SPAG16: variants seen among roughly 807,000 people sequenced by gnomAD.
The protein encoded by SPAG16 is sperm-associated antigen 16 protein.
In SPAG16, 86 loss-of-function variants were observed where a neutral mutation model predicts 80.4. That is an observed-to-expected ratio of 1.07 (90% CI 0.90 to 1.28). The LOEUF (loss-of-function observed/expected upper bound fraction) is 1.28. Among genes scored for constraint, SPAG16 ranks in the 50% most tolerant of loss-of-function variants. The pLI, the probability that SPAG16 is intolerant of heterozygous loss-of-function variation, is 0.00. For synonymous variants in SPAG16, 294 were observed against 265.9 expected (o/e 1.11, Z -1.03); for missense variants, 870 against 765.3 (o/e 1.14, Z -1.61).
chr2:213,999,163 G>A (rs1397800976), intron 12 of SPAG16, among the ~76,000 whole-genome samples: 2 of 151,894 alleles, frequency 1.3e-5, no homozygotes, highest in South Asian at 2.1e-4. Context: ...CATGTCAGAG[G>A]TCTTCACGGC....
intron 15 of SPAG16, among the ~76,000 whole-genome samples, chr2:214,252,484 C>G (rs1046333131): frequency 6.6e-6 from 1 of 151,546 alleles, no homozygotes; most frequent in African/African-American, 2.4e-5. Context: ...TGTGATGTTC[C>G]CCTCCCTGTG....
chr2:214,280,745 T>A, intron 15 of SPAG16: 1 of 420,796 alleles, frequency 2.4e-6, no homozygotes, highest in South Asian at 2.1e-5. Flanking sequence ...CTCTTTTAAC[T>A]TATTTCCTGG....
chr2:214,265,943 T>C (rs952493819), intron 15 of SPAG16, among the ~76,000 whole-genome samples: 1 of 151,962 alleles, frequency 6.6e-6, no homozygotes, highest in Non-Finnish European at 1.5e-5. Flanking sequence ...TCTAAAATTA[T>C]ATTGTTCTTT....
intron 13 of SPAG16, among the ~76,000 whole-genome samples, chr2:214,048,944 C>T (rs2049489077): frequency 6.7e-6 from 1 of 149,954 alleles, no homozygotes; most frequent in South Asian, 2.2e-4. Context: ...TCCTTTCTTC[C>T]TTCTCTCCTT....
intron 14 of SPAG16, among the ~76,000 whole-genome samples, chr2:214,137,132 A>C (rs1009637666): frequency 1.3e-5 from 2 of 152,186 alleles, no homozygotes; most frequent in African/African-American, 4.8e-5. Context: ...ATTTCATGAA[A>C]TCTAACTTTT....
chr2:214,032,850 C>CT lies in SPAG16; in HGVS notation c.1527+18777dup, dbSNP rs201430161. Among the ~76,000 whole-genome samples the CT allele has an allele frequency of 7.1e-3, 1,083 of 152,222 alleles. 15 individuals carry two copies. Among genetic ancestry groups the CT allele is most frequent in the African/African-American group, 0.024 (1,012 of 41,546 alleles). On this transcript the variant is annotated intron_variant, in intron 13 of 15. Transcript: ENST00000331683. The stretch of plus-strand genomic sequence containing the variant: ...ATGGATGAGCAAATGTTCAGTGGTC[C>CT]TTTTCTTTCCCTCTTATGGCATAAT...
intron 10 of SPAG16, among the ~76,000 whole-genome samples, chr2:213,782,464 A>G (rs1042771660): frequency 2.0e-5 from 3 of 152,220 alleles, no homozygotes; most frequent in Non-Finnish European, 4.4e-5. Flanking sequence ...ACAACTTAAC[A>G]TGATTACTTC....
intron 10 of SPAG16, among the ~76,000 whole-genome samples, chr2:213,548,544 T>G (rs909463711): frequency 9.2e-5 from 14 of 152,190 alleles, no homozygotes; most frequent in African/African-American, 3.4e-4. Context: ...TCGGTTTCTA[T>G]CTATATGATA....
At chr2:213,379,265 A>G (rs2067044812) in intron 9 of SPAG16, among the ~76,000 whole-genome samples, 2 of 152,130 alleles carry the variant, frequency 1.3e-5, no homozygotes, top group South Asian at 4.2e-4. Context: ...GCTATGGGAG[A>G]AACAGTACCA....
chr2:213,450,431 C>T lies in SPAG16; in HGVS notation c.943-39532C>T, dbSNP rs75193285. Among the ~76,000 whole-genome samples, 1,300 of 152,244 alleles carry T rather than the reference C, an allele frequency of 8.5e-3. 26 individuals carry two copies. Among genetic ancestry groups the T allele is most frequent in the African/African-American group, 0.03 (1,240 of 41,544 alleles). On this transcript the variant is annotated intron_variant, in intron 9 of 15. Coordinates refer to ENST00000331683, the MANE Select transcript of SPAG16 (RefSeq NM_024532.5). Reference sequence around the variant, plus strand: ...ATCTTCGTTTAACTTGGCTATATTGCGTATCATTTATTTTGGGAGACAGTA... The same window carrying T: ...ATCTTCGTTTAACTTGGCTATATTGTGTATCATTTATTTTGGGAGACAGTA...
chr2:213,920,916 G>T (rs1559589786), intron 11 of SPAG16, among the ~76,000 whole-genome samples: 1 of 152,224 alleles, frequency 6.6e-6, no homozygotes, highest in African/African-American at 2.4e-5. Flanking sequence ...TCCAACTCAA[G>T]TATCCGTCAT....
intron 15 of SPAG16, among the ~76,000 whole-genome samples, chr2:214,154,505 C>T (rs890798115): frequency 6.3e-5 from 9 of 142,066 alleles, no homozygotes; most frequent in African/African-American, 2.3e-4. Context: ...CAGACCCCCC[C>T]CCCCCATTTT....
chr2:213,537,055 C>T (rs1432864506), intron 10 of SPAG16, among the ~76,000 whole-genome samples: 4 of 150,836 alleles, frequency 2.7e-5, no homozygotes, highest in Non-Finnish European at 5.9e-5. Flanking sequence ...AGTAAACTAT[C>T]GCAACAACAA....
At chr2:213,878,700 C>G (rs1290853902) in intron 11 of SPAG16, among the ~76,000 whole-genome samples, 1 of 152,034 alleles carries the variant, frequency 6.6e-6, no homozygotes, top group Non-Finnish European at 1.5e-5. Context: ...GCTTGTGCTT[C>G]TGAGGTCTTA....
intron 13 of SPAG16, among the ~76,000 whole-genome samples, chr2:214,062,020 C>CACACACACACACAT (rs1553706944): frequency 0.026 from 3,795 of 146,560 alleles, 106 homozygotes; most frequent in South Asian, 0.053. Context: ...CACACACACA[C>CACACACACACACAT]GCAGTGTGTA....
intron 10 of SPAG16, among the ~76,000 whole-genome samples, chr2:213,667,296 A>G (rs1219366675): frequency 1.3e-5 from 2 of 152,164 alleles, no homozygotes; most frequent in Non-Finnish European, 2.9e-5. Flanking sequence ...CAGGAGGGGA[A>G]ATTTTTGAAG....
intron 10 of SPAG16, among the ~76,000 whole-genome samples, chr2:213,542,900 A>T (rs773753978): frequency 1.3e-5 from 2 of 152,108 alleles, no homozygotes; most frequent in Non-Finnish European, 1.5e-5. Flanking sequence ...AAATGAATCA[A>T]TGGAATAAAA....
intron 10 of SPAG16, among the ~76,000 whole-genome samples, chr2:213,638,171 T>C (rs527701378): frequency 6.6e-6 from 1 of 152,354 alleles, no homozygotes; most frequent in East Asian, 1.9e-4. Context: ...GTCTATCAAT[T>C]GTGTTTATCT....
chr2:214,047,824 A>G (rs2049417438), intron 13 of SPAG16, among the ~76,000 whole-genome samples: 1 of 152,064 alleles, frequency 6.6e-6, no homozygotes. Context: ...ATATATAAGG[A>G]GCTCAAACAA....
Sources: gnomAD v4.1 joint callset for allele counts (sites outside exome capture counted in the v4.1 genomes callset) on GRCh38, gnomAD v4.1.1 for gene constraint, MANE v1.5 for transcripts, NCBI Gene and HGNC (gene_info 2026-07-23, HGNC 2026-07-21) for gene names.